The following CNBD1 variants were observed in gnomAD, a reference collection of about 807,000 sequenced individuals.
CNBD1 encodes cyclic nucleotide binding domain containing 1.
A neutral mutation model predicts 54.4 loss-of-function variants in CNBD1; 71 were observed. The observed-to-expected ratio is 1.30, with a 90% CI of 1.08 to 1.59. The LOEUF (loss-of-function observed/expected upper bound fraction) is 1.59. Ranked by LOEUF, CNBD1 falls within the 40% of genes most tolerant of loss-of-function variation. The pLI, the probability that CNBD1 is intolerant of heterozygous loss-of-function variation, is 0.00. For synonymous variants in CNBD1, 182 were observed against 170.7 expected, an observed-to-expected ratio of 1.07 and a Z score of -0.51; for missense variants, 659 against 518.0, an observed-to-expected ratio of 1.27 and a Z score of -2.64.
chr8:87,425,631 GGGGGTCA>G (rs879937635), intron 2 of CNBD1, among the ~76,000 whole-genome samples: 1 of 151,526 alleles, frequency 6.6e-6, no homozygotes, highest in Non-Finnish European at 1.5e-5. Flanking sequence ...TAGGCTGCTC[GGGGGTCA>G]GGGGTCAGGG....
rs1332392332 is a variant in CNBD1 at position 87,081,294 on chromosome 8, AT to A, written c.432-124696del. 4.6e-5 allele frequency among the ~76,000 whole-genome samples: 7 copies of A among 151,874 alleles called. No individual in the cohort carries two copies. The South Asian group carries it at 1.0e-3, about 22-fold the overall frequency. On this transcript the variant is annotated intron_variant, in intron 4 of 10. Transcript: ENST00000518476. Reference sequence around the variant, plus strand: ...ATTTAGAAGTGTTTAATTTTTACTTATTTGAGAATTTTCTAGCTATCTTTCT... The same window carrying A: ...ATTTAGAAGTGTTTAATTTTTACTTATTGAGAATTTTCTAGCTATCTTTCT...
At chr8:86,975,077 G>T (rs1414014905) in intron 4 of CNBD1, among the ~76,000 whole-genome samples, 1 of 151,936 alleles carries the variant, frequency 6.6e-6, no homozygotes, top group East Asian at 1.9e-4. Context: ...GTATACAGCA[G>T]ATTTTCTTGT....
intron 5 of CNBD1, among the ~76,000 whole-genome samples, chr8:87,214,422 T>G (rs939383571): frequency 6.6e-6 from 1 of 152,094 alleles, no homozygotes; most frequent in Non-Finnish European, 1.5e-5. Flanking sequence ...TAGCCTGGAT[T>G]TTATTGTCCA....
At chr8:87,273,213 TTTA>T (rs1446938920) in intron 6 of CNBD1, among the ~76,000 whole-genome samples, 3 of 151,960 alleles carry the variant, frequency 2.0e-5, no homozygotes, top group Non-Finnish European at 2.9e-5. Flanking sequence ...CTCAAATTAT[TTTA>T]TTAATTGGTT....
chr8:87,134,629 G>C, intron 4 of CNBD1, among the ~76,000 whole-genome samples: 1 of 116,090 alleles, frequency 8.6e-6, no homozygotes. Flanking sequence ...TTGAGATGGA[G>C]TCTCGCTGTG....
chr8:87,040,704 G>A (rs111541296), intron 4 of CNBD1, among the ~76,000 whole-genome samples: 2,587 of 151,818 alleles, frequency 0.017, 66 homozygotes, highest in African/African-American at 0.057. Context: ...GATGACAGGC[G>A]TGAGCCACTG....
chr8:87,406,432 A>C (rs889473624), intron 2 of CNBD1, among the ~76,000 whole-genome samples: 10 of 149,794 alleles, frequency 6.7e-5, no homozygotes, highest in Non-Finnish European at 1.0e-4. Context: ...CTCAGTTTAC[A>C]TATATATGTG....
intron 4 of CNBD1, among the ~76,000 whole-genome samples, chr8:87,008,969 A>G (rs116702436): frequency 0.012 from 1,885 of 152,212 alleles, 40 homozygotes; most frequent in African/African-American, 0.043. Flanking sequence ...ATTATTTAAT[A>G]TAATTATAAT....
intron 4 of CNBD1, among the ~76,000 whole-genome samples, chr8:87,091,877 G>T (rs923843171): frequency 2.1e-4 from 32 of 152,104 alleles, no homozygotes; most frequent in Non-Finnish European, 2.8e-4. Flanking sequence ...TATAGGACAT[G>T]TGTGTCTATA....
intron 8 of CNBD1, among the ~76,000 whole-genome samples, chr8:87,292,513 T>C (rs936778417): frequency 6.6e-6 from 1 of 152,168 alleles, no homozygotes; most frequent in Non-Finnish European, 1.5e-5. Flanking sequence ...ATAAATGCAA[T>C]TCAAGTATAA....
chr8:87,080,570 CAA>C (rs201765591), intron 4 of CNBD1, among the ~76,000 whole-genome samples: 2 of 116,600 alleles, frequency 1.7e-5, no homozygotes. Context: ...AGCTCCATCT[CAA>C]AAAAAAAAAA....
chr8:87,363,038 G>A (rs1224563549), intron 10 of CNBD1, among the ~76,000 whole-genome samples: 2 of 151,964 alleles, frequency 1.3e-5, no homozygotes, highest in Non-Finnish European at 2.9e-5. Context: ...GGTGTGTGAT[G>A]TTCCCCTCCC....
In CNBD1 at chr8:87,103,328, T is replaced by C. The variant is rs980317588; in HGVS notation, c.432-102665T>C. On this transcript the variant is annotated intron_variant, in intron 4 of 10. Coordinates refer to ENST00000518476, the MANE Select transcript of CNBD1 (RefSeq NM_173538.3). ...CATGCACTCTTTAATAAGTTGTTTTTACATCTTAATATATTTCATCCTCAC... is the reference window on the plus strand; with the variant it reads ...CATGCACTCTTTAATAAGTTGTTTTCACATCTTAATATATTTCATCCTCAC... Among the ~76,000 whole-genome samples, 7 of 152,354 alleles carry C rather than the reference T, an allele frequency of 4.6e-5. No homozygotes were observed. In the East Asian group the frequency reaches 1.3e-3, roughly 29 times the overall value.
Position 87,188,761 on chromosome 8 carries a change from A to T in CNBD1, c.432-17232A>T, listed in dbSNP as rs944954241. Among the ~76,000 whole-genome samples, 325 of 151,430 alleles carry T rather than the reference A, an allele frequency of 2.1e-3. 3 individuals carry two copies. The highest frequency in any genetic ancestry group is 7.4e-3 in the African/African-American group (306 of 41,282). On this transcript the variant is annotated intron_variant, in intron 4 of 10. Transcript: ENST00000518476. ...GAGACTCCATCTCAAAAAAAAAAAAAAATAAAAATAAAAAATAAGTAAATA... is the reference window on the plus strand; with the variant it reads ...GAGACTCCATCTCAAAAAAAAAAAATAATAAAAATAAAAAATAAGTAAATA...
chr8:87,335,018 C>T (rs1809915008), intron 8 of CNBD1, among the ~76,000 whole-genome samples: 1 of 151,996 alleles, frequency 6.6e-6, no homozygotes, highest in South Asian at 2.1e-4. Flanking sequence ...GCCACTGTGC[C>T]CAGCCAAGTT....
At chr8:86,947,620 A>AT (rs1187108123) in intron 4 of CNBD1, among the ~76,000 whole-genome samples, 1 of 151,802 alleles carries the variant, frequency 6.6e-6, no homozygotes, top group Non-Finnish European at 1.5e-5. Flanking sequence ...TTCACTTTTT[A>AT]TTTTTTTATT....
At chr8:87,316,066 T>A (rs1475376712) in intron 8 of CNBD1, among the ~76,000 whole-genome samples, 1 of 152,020 alleles carries the variant, frequency 6.6e-6, no homozygotes, top group Non-Finnish European at 1.5e-5. Context: ...AGTAATATAC[T>A]TGATCTTAGC....
At chr8:87,032,011 G>C (rs938556594) in intron 4 of CNBD1, among the ~76,000 whole-genome samples, 13 of 152,122 alleles carry the variant, frequency 8.5e-5, no homozygotes, top group African/African-American at 3.1e-4. Context: ...AAACTGCTGG[G>C]AATTACAGGC....
intron 6 of CNBD1, among the ~76,000 whole-genome samples, chr8:87,250,702 A>G (rs1009091864): frequency 6.6e-6 from 1 of 152,212 alleles, no homozygotes; most frequent in African/African-American, 2.4e-5. Context: ...ACATTATATC[A>G]AGTGAAATAA....
Sources: allele counts gnomAD v4.1 joint callset (sites outside exome capture counted in the v4.1 genomes callset), GRCh38; gene constraint gnomAD v4.1.1; transcripts MANE v1.5; gene names NCBI Gene and HGNC (gene_info 2026-07-23, HGNC 2026-07-21).